Variants in FMN1 observed in about 807,000 individuals in gnomAD.
FMN1 encodes the protein formin-1.
FMN1 carries 110 observed loss-of-function variants against 132.4 expected under a neutral mutation model. The observed-to-expected ratio is 0.83, with a 90% CI of 0.71 to 0.97. The LOEUF (loss-of-function observed/expected upper bound fraction) is 0.97, where lower values mean the gene tolerates loss of function less well. Among genes scored for constraint, FMN1 ranks in the 50% least tolerant of loss-of-function variants. The pLI is 0.00. For missense variants in FMN1, 1,792 were observed against 1,705.3 expected, an observed-to-expected ratio of 1.05 and a Z score of -0.90; for synonymous variants, 722 against 651.7, an observed-to-expected ratio of 1.11 and a Z score of -1.64.
intron 4 of FMN1, among the ~76,000 whole-genome samples, chr15:33,144,976 C>T (rs1595563185): frequency 6.6e-6 from 1 of 152,102 alleles, no homozygotes; most frequent in South Asian, 2.1e-4. Context: ...CTCAAAAAAC[C>T]GCTATGAAAT....
Position 33,100,446 on chromosome 15 carries a change from T to C in FMN1, c.1868-11472A>G, listed in dbSNP as rs549361879. 2.4e-3 allele frequency among the ~76,000 whole-genome samples: 366 copies of C among 152,148 alleles called. 1 individual carries two copies. The highest frequency in any genetic ancestry group is 4.2e-3 in the Non-Finnish European group (284 of 68,022). On this transcript the variant is annotated intron_variant, in intron 4 of 20. Coordinates refer to ENST00000616417, the MANE Select transcript of FMN1 (RefSeq NM_001277313.2). The stretch of plus-strand genomic sequence containing the variant: ...TATCTGAAACGGGGGTTGACACCTA[T>C]GCCCGAAGGCCAAATACAGCCTACT...
intron 4 of FMN1, among the ~76,000 whole-genome samples, chr15:33,113,127 T>C (rs936176801): frequency 6.6e-6 from 1 of 152,206 alleles, no homozygotes; most frequent in African/African-American, 2.4e-5. Flanking sequence ...CTGTTTCAAA[T>C]ATCTGCATTT....
chr15:32,953,895 A>C (rs2061706735), intron 9 of FMN1, among the ~76,000 whole-genome samples: 1 of 152,194 alleles, frequency 6.6e-6, no homozygotes, highest in African/African-American at 2.4e-5. Context: ...ACTAGGTAAA[A>C]ATCTAAATTC....
In FMN1 at chr15:32,828,824, C is replaced by A. The variant is rs2058434219; in HGVS notation, c.3929-24492G>T. ...ATTCCGACTACTAGAAATATTGATACAACAAAGGAACACGTTAGTAGTTTC... is the reference window on the plus strand; with the variant it reads ...ATTCCGACTACTAGAAATATTGATAAAACAAAGGAACACGTTAGTAGTTTC... On this transcript the variant is annotated intron_variant, in intron 17 of 20. Coordinates refer to ENST00000616417, the MANE Select transcript of FMN1 (RefSeq NM_001277313.2). Among the ~76,000 whole-genome samples, 3 of 152,158 alleles carry A rather than the reference C, an allele frequency of 2.0e-5. No homozygotes were observed. The South Asian group carries it at 6.2e-4, about 32-fold the overall frequency.
At chr15:33,134,202 G>A (rs947042817) in intron 4 of FMN1, among the ~76,000 whole-genome samples, 6 of 152,132 alleles carry the variant, frequency 3.9e-5, no homozygotes, top group African/African-American at 7.2e-5. Flanking sequence ...TCCTGTCTCG[G>A]CCTCTTAAAG....
chr15:32,777,289 G>A (rs894776630), intron 19 of FMN1, among the ~76,000 whole-genome samples: 3 of 151,672 alleles, frequency 2.0e-5, no homozygotes, highest in African/African-American at 7.3e-5. Context: ...GAAGTTCTGA[G>A]GAAATGTGAA....
At chr15:33,140,557 C>T (rs536952587) in intron 4 of FMN1, among the ~76,000 whole-genome samples, 2 of 152,260 alleles carry the variant, frequency 1.3e-5, no homozygotes, top group South Asian at 4.2e-4. Flanking sequence ...ATGATTCCTG[C>T]CACCCAGGAG....
At chr15:33,172,081 G>A (rs1451780845) in intron 3 of FMN1, among the ~76,000 whole-genome samples, 8 of 151,998 alleles carry the variant, frequency 5.3e-5, no homozygotes, top group Admixed American at 5.2e-4. Flanking sequence ...GGTGGCGGGC[G>A]CCTGTGGTCC....
chr15:33,063,562 T>TC (rs1358263602), intron 6 of FMN1: 5 of 152,098 alleles, frequency 3.3e-5, no homozygotes, highest in African/African-American at 1.2e-4. Context: ...CTCAAATCAC[T>TC]CCATTTGAGT....
intron 3 of FMN1, among the ~76,000 whole-genome samples, chr15:33,179,455 G>C (rs1251149950): frequency 6.6e-6 from 1 of 152,130 alleles, no homozygotes; most frequent in Non-Finnish European, 1.5e-5. Context: ...CTCAATCTGG[G>C]GGTACCTTTA....
At chr15:32,805,936 C>G (rs187130088) in intron 17 of FMN1, among the ~76,000 whole-genome samples, 35 of 152,252 alleles carry the variant, frequency 2.3e-4, no homozygotes, top group Non-Finnish European at 4.4e-4. Context: ...AGGTTAAGAA[C>G]CTATGTTCTT....
intron 6 of FMN1, among the ~76,000 whole-genome samples, chr15:33,033,237 A>C (rs566664977): frequency 6.6e-6 from 1 of 152,028 alleles, no homozygotes; most frequent in African/African-American, 2.4e-5. Context: ...TCACCGTGTT[A>C]GCCAGGATAG....
At chr15:33,137,879 C>G (rs1963840615) in intron 4 of FMN1, among the ~76,000 whole-genome samples, 1 of 152,192 alleles carries the variant, frequency 6.6e-6, no homozygotes, top group Non-Finnish European at 1.5e-5. Flanking sequence ...GGGACTGCAG[C>G]TGCAGTCGGC....
In FMN1 at chr15:32,771,896, C is replaced by T. The variant is rs1192660049; in HGVS notation, c.*2414G>A. On this transcript the variant is annotated 3_prime_UTR_variant, in exon 21 of 21. Transcript: ENST00000616417. Reference sequence around the variant, plus strand: ...TTTGAGTTAAAAATGAAGGCTGTGTCAGCAACGTGGTACATTGGTGGACTT... The same window carrying T: ...TTTGAGTTAAAAATGAAGGCTGTGTTAGCAACGTGGTACATTGGTGGACTT... 5.3e-5 allele frequency: 8 copies of T among 152,170 alleles called. No homozygotes were observed. The highest frequency in any genetic ancestry group is 4.6e-4 in the Admixed American group (7 of 15,282). 9.4% of individuals were successfully genotyped at this position (152,170 alleles called of 1,614,324 possible).
At chr15:32,824,918 A>T (rs1412666334) in intron 17 of FMN1, among the ~76,000 whole-genome samples, 1 of 152,190 alleles carries the variant, frequency 6.6e-6, no homozygotes, top group Admixed American at 6.5e-5. Flanking sequence ...AATTCCAATT[A>T]TTCCCTGAAT....
intron 16 of FMN1, among the ~76,000 whole-genome samples, chr15:32,872,169 G>A (rs72717698): frequency 2.6e-5 from 4 of 152,170 alleles, no homozygotes; most frequent in Non-Finnish European, 5.9e-5. Flanking sequence ...AACACTCAGA[G>A]TTTTGTAATA....
chr15:32,960,995 CAAAAAA>C (rs539245532), intron 9 of FMN1, among the ~76,000 whole-genome samples: 1 of 59,092 alleles, frequency 1.7e-5, no homozygotes, highest in African/African-American at 8.9e-5. Flanking sequence ...GACTCCGTCT[CAAAAAA>C]AAAAAAAAAA....
intron 16 of FMN1, among the ~76,000 whole-genome samples, chr15:32,876,248 CTT>C (rs748383317): frequency 6.6e-6 from 1 of 152,070 alleles, no homozygotes; most frequent in Non-Finnish European, 1.5e-5. Context: ...AATTTAATGA[CTT>C]GATGGTAAAC....
At position 32,768,672 on chromosome 15, in the gene FMN1, C is replaced by G. The variant is rs1360849290; in HGVS notation, c.*5638G>C. The G allele has an allele frequency of 6.6e-6, 1 of 152,142 alleles. No individual in the cohort carries two copies. The highest frequency in any genetic ancestry group is 1.5e-5 in the Non-Finnish European group (1 of 68,026). 9.4% of individuals were successfully genotyped at this position (152,142 alleles called of 1,614,324 possible). ...AAACTATAGTCTTCTTTGCATTTTG[C>G]TGGCCCAATGTCATCAAGTTTCACA... On this transcript the variant is annotated 3_prime_UTR_variant, in exon 21 of 21. Coordinates refer to ENST00000616417, the MANE Select transcript of FMN1 (RefSeq NM_001277313.2).
Sources: allele counts gnomAD v4.1 joint callset (sites outside exome capture counted in the v4.1 genomes callset), GRCh38; gene constraint gnomAD v4.1.1; transcripts MANE v1.5; gene names NCBI Gene and HGNC (gene_info 2026-07-23, HGNC 2026-07-21).